The following MBD5 variants were observed in gnomAD, a reference collection of about 807,000 sequenced individuals.
MBD5 encodes the protein methyl-CpG-binding domain protein 5.
In MBD5, 13 loss-of-function variants were observed where a neutral mutation model predicts 117.3. The ratio of observed to expected loss-of-function variants is 0.11; its 90% CI spans 0.07 to 0.18. The LOEUF (loss-of-function observed/expected upper bound fraction) is 0.18. MBD5 is among the 10% of genes least tolerant of loss of function. The pLI is 1.00. For missense variants in MBD5, 1,879 were observed against 2,093.8 expected, an observed-to-expected ratio of 0.90 and a Z score of 2.00; for synonymous variants, 727 against 766.4, an observed-to-expected ratio of 0.95 and a Z score of 0.85.
chr2:148,143,249 C>G (rs946956353), intron 1 of MBD5, among the ~76,000 whole-genome samples: 2 of 152,028 alleles, frequency 1.3e-5, no homozygotes, highest in Non-Finnish European at 2.9e-5. Flanking sequence ...TGCTTAAAGT[C>G]GCAATTTCCA....
At chr2:148,127,116 C>A (rs1008874504) in intron 1 of MBD5, among the ~76,000 whole-genome samples, 2 of 151,506 alleles carry the variant, frequency 1.3e-5, no homozygotes, top group South Asian at 2.1e-4. Context: ...GCTGGGACTA[C>A]GGGTGCGTGC....
intron 5 of MBD5, among the ~76,000 whole-genome samples, chr2:148,459,344 C>T (rs1294455110): frequency 6.6e-6 from 1 of 152,046 alleles, no homozygotes; most frequent in Non-Finnish European, 1.5e-5. Flanking sequence ...TAATCTATTT[C>T]CTTGCGTGTA....
chr2:148,172,642 A>G (rs1044605609), intron 1 of MBD5, among the ~76,000 whole-genome samples: 1 of 152,166 alleles, frequency 6.6e-6, no homozygotes, highest in Admixed American at 6.5e-5. Flanking sequence ...GACAGCCTGA[A>G]GCGTGGGTGC....
intron 8 of MBD5, among the ~76,000 whole-genome samples, chr2:148,475,796 A>G (rs1312623491): frequency 6.6e-6 from 1 of 152,212 alleles, no homozygotes; most frequent in Non-Finnish European, 1.5e-5. Context: ...AGTCATAAAA[A>G]TAATGCTAAA....
At chr2:148,172,186 C>T (rs1432888417) in intron 1 of MBD5, among the ~76,000 whole-genome samples, 1 of 152,202 alleles carries the variant, frequency 6.6e-6, no homozygotes, top group Non-Finnish European at 1.5e-5. Flanking sequence ...CCTGCAGGAA[C>T]CAGGAACAGC....
intron 1 of MBD5, among the ~76,000 whole-genome samples, chr2:148,102,707 CACACACACACACACACACACACAGAG>C (rs1696254382): frequency 3.8e-4 from 8 of 21,042 alleles, no homozygotes; most frequent in African/African-American, 7.9e-4. Flanking sequence ...AGATCACACA[CACACACACACACACACACACACAGAG>C]AGAGAGAGAG....
intron 4 of MBD5, among the ~76,000 whole-genome samples, chr2:148,369,459 G>A (rs975440370): frequency 3.3e-5 from 5 of 151,764 alleles, no homozygotes; most frequent in African/African-American, 1.2e-4. Flanking sequence ...AGTATTTAGG[G>A]GTAAATTGGA....
intron 4 of MBD5, among the ~76,000 whole-genome samples, chr2:148,371,502 G>A (rs1222774978): frequency 6.6e-6 from 1 of 152,080 alleles, no homozygotes; most frequent in Non-Finnish European, 1.5e-5. Context: ...ACAACCAACA[G>A]ATGGAGAAAA....
chr2:148,148,559 A>C (rs1171204555), intron 1 of MBD5, among the ~76,000 whole-genome samples: 1 of 152,200 alleles, frequency 6.6e-6, no homozygotes, highest in East Asian at 1.9e-4. Context: ...TAATTCAATA[A>C]ATCTGAGTTA....
chr2:148,402,440 A>T (rs1176283680), intron 4 of MBD5, among the ~76,000 whole-genome samples: 4 of 152,186 alleles, frequency 2.6e-5, no homozygotes, highest in African/African-American at 9.6e-5. Flanking sequence ...ATGTTTTCAC[A>T]CACGTAAAAC....
chr2:148,394,307 A>G (rs920709308), intron 4 of MBD5, among the ~76,000 whole-genome samples: 1 of 152,128 alleles, frequency 6.6e-6, no homozygotes. Flanking sequence ...AGAATCTACT[A>G]GTTATTTTAC....
At chr2:148,075,726 G>C (rs1359604962) in intron 1 of MBD5, among the ~76,000 whole-genome samples, 4 of 151,362 alleles carry the variant, frequency 2.6e-5, no homozygotes, top group Non-Finnish European at 5.9e-5. Context: ...AAGTGTTTCT[G>C]AATCTATAGG....
intron 2 of MBD5, among the ~76,000 whole-genome samples, chr2:148,229,520 G>T (rs62182762): frequency 0.064 from 9,734 of 152,154 alleles, 425 homozygotes; most frequent in Non-Finnish European, 0.088. Flanking sequence ...CATTTGGTGA[G>T]GTCATGTTTT....
At chr2:148,413,018 A>G (rs1705311169) in intron 4 of MBD5, among the ~76,000 whole-genome samples, 1 of 152,046 alleles carries the variant, frequency 6.6e-6, no homozygotes, top group African/African-American at 2.4e-5. Flanking sequence ...GTGAGAATAG[A>G]CATCCATGTC....
intron 1 of MBD5, among the ~76,000 whole-genome samples, chr2:148,172,718 C>T (rs200454246): frequency 2.0e-5 from 3 of 152,128 alleles, no homozygotes; most frequent in East Asian, 3.9e-4. Context: ...TTTCCAGACC[C>T]GCCATGGCTG....
Position 148,483,885 on chromosome 2 carries a change from G to A in MBD5, c.3294G>A (p.Ser1098=), listed in dbSNP as rs1196234731. 2.6e-6 allele frequency: 4 copies of A among 1,550,510 alleles called. No homozygotes were observed. Among genetic ancestry groups the A allele is most frequent in the South Asian group, 2.4e-5 (2 of 84,048 alleles). Residue 1098 remains serine, a synonymous_variant, in exon 9 of 14, where the codon TCG becomes TCA. Coordinates refer to ENST00000642680, the MANE Select transcript of MBD5 (RefSeq NM_001378120.1). ...QLLGGVLNSA[S]ANTANHPEVS... ...TGGGAGGTGTCCTGAACTCGGCATC[G>A]GCCAACACCGCTAATCATCCAGAGG...
chr2:148,098,734 C>A (rs1696127996), intron 1 of MBD5, among the ~76,000 whole-genome samples: 1 of 151,930 alleles, frequency 6.6e-6, no homozygotes, highest in Admixed American at 6.6e-5. Flanking sequence ...AGCTTGAGAA[C>A]CATTGATGTA....
intron 3 of MBD5, among the ~76,000 whole-genome samples, chr2:148,272,033 T>C (rs141791955): frequency 2.0e-4 from 30 of 152,338 alleles, no homozygotes; most frequent in African/African-American, 7.2e-4. Context: ...AATAAGATCA[T>C]GCAGTATTTG....
chr2:148,257,265 A>T (rs2106276369), intron 3 of MBD5, among the ~76,000 whole-genome samples: 1 of 152,366 alleles, frequency 6.6e-6, no homozygotes, highest in African/African-American at 2.4e-5. Context: ...ATGCCTGCTG[A>T]ATAGCCCGCT....
Sources: allele counts gnomAD v4.1 joint callset (sites outside exome capture counted in the v4.1 genomes callset), GRCh38; gene constraint gnomAD v4.1.1; transcripts MANE v1.5; gene names NCBI Gene and HGNC (gene_info 2026-07-23, HGNC 2026-07-21).